The following PDE10A variants were observed in gnomAD, a reference collection of about 807,000 sequenced individuals.
The protein encoded by PDE10A is phosphodiesterase 10A.
PDE10A carries 39 observed loss-of-function variants against 97.7 expected under a neutral mutation model. That is an observed-to-expected ratio of 0.40 (90% CI 0.31 to 0.52). The LOEUF is 0.52. Among genes scored for constraint, PDE10A ranks in the 20% least tolerant of loss-of-function variants. The pLI is 0.56. For synonymous variants in PDE10A, 371 were observed against 376.8 expected, an observed-to-expected ratio of 0.98 and a Z score of 0.18; for missense variants, 731 against 1,047.8, an observed-to-expected ratio of 0.70 and a Z score of 4.17.
chr6:165,859,109 C>T (rs1283761958), intron 1 of PDE10A, among the ~76,000 whole-genome samples: 1 of 152,152 alleles, frequency 6.6e-6, no homozygotes, highest in African/African-American at 2.4e-5. Flanking sequence ...GATTTTCATT[C>T]ACTGATCAAA....
intron 13 of PDE10A, among the ~76,000 whole-genome samples, chr6:165,397,702 CAAAAAAAAAA>C (rs71026686): frequency 8.0e-4 from 71 of 88,392 alleles, no homozygotes; most frequent in South Asian, 1.9e-3. Context: ...AACTCCATCT[CAAAAAAAAAA>C]AAAAAAAAAA....
chr6:165,619,019 C>G (rs1043434854), intron 1 of PDE10A, among the ~76,000 whole-genome samples: 117 of 79,472 alleles, frequency 1.5e-3, no homozygotes, highest in South Asian at 3.4e-3. Flanking sequence ...CTAGTGTAGT[C>G]TAGCATAGTC....
chr6:165,920,998 G>A (rs752823392), intron 1 of PDE10A, among the ~76,000 whole-genome samples: 1 of 152,176 alleles, frequency 6.6e-6, no homozygotes, highest in Non-Finnish European at 1.5e-5. Flanking sequence ...TTTTGTCATG[G>A]CTCCAAAGGT....
chr6:165,398,257 G>C (rs1786336128), intron 13 of PDE10A, among the ~76,000 whole-genome samples: 1 of 152,058 alleles, frequency 6.6e-6, no homozygotes, highest in Admixed American at 6.6e-5. Flanking sequence ...CCAGCACTTT[G>C]GGAGGCAGAG....
chr6:165,635,288 T>C lies in PDE10A; in HGVS notation c.865+26659A>G, dbSNP rs1029881458. On this transcript the variant is annotated intron_variant, in intron 1 of 21. Transcript: ENST00000539869. Reference sequence around the variant, plus strand: ...GTACGTGCCTAACATAGAGATTGGATTGATAAAAGGCATCAGAAAAGGTTA... The same window carrying C: ...GTACGTGCCTAACATAGAGATTGGACTGATAAAAGGCATCAGAAAAGGTTA... Among the ~76,000 whole-genome samples, 5 of 152,240 alleles carry C rather than the reference T, an allele frequency of 3.3e-5. No homozygotes were observed. The South Asian group carries it at 8.3e-4, about 25-fold the overall frequency.
intron 1 of PDE10A, among the ~76,000 whole-genome samples, chr6:165,938,945 CTG>C (rs1401734826): frequency 6.6e-6 from 1 of 152,300 alleles, no homozygotes; most frequent in South Asian, 2.1e-4. Context: ...TATTGCAGCT[CTG>C]TTTATAGCAT....
intron 1 of PDE10A, among the ~76,000 whole-genome samples, chr6:165,608,083 TATATATATGTGC>T (rs1369437995): frequency 7.3e-6 from 1 of 136,548 alleles, no homozygotes; most frequent in East Asian, 1.9e-4. Flanking sequence ...TGTATATATG[TATATATATGTGC>T]ATATATATAC....
rs1314273837 is a variant in PDE10A at position 165,918,553 on chromosome 6, G to A, written c.-615+68976C>T. Among the ~76,000 whole-genome samples, 4 of 152,180 alleles carry A rather than the reference G, an allele frequency of 2.6e-5. No homozygotes were observed. The East Asian group carries it at 7.7e-4, about 29-fold the overall frequency. Reference sequence around the variant, plus strand: ...GATTTACAACTATTTTCACAGAATTGCTTGAATGACAAACTGATTTTTGTA... The same window carrying A: ...GATTTACAACTATTTTCACAGAATTACTTGAATGACAAACTGATTTTTGTA... On this transcript the variant is annotated intron_variant, in intron 1 of 19. Coordinates refer to the PDE10A transcript ENST00000366882.
At chr6:165,978,002 C>A (rs1192567349) in intron 1 of PDE10A, among the ~76,000 whole-genome samples, 1 of 152,208 alleles carries the variant, frequency 6.6e-6, no homozygotes, top group Admixed American at 6.5e-5. Context: ...TGTGCTTTTC[C>A]ATTCCTACAG....
chr6:165,514,985 T>C (rs562550586), intron 2 of PDE10A, among the ~76,000 whole-genome samples: 2 of 152,346 alleles, frequency 1.3e-5, no homozygotes, highest in South Asian at 2.1e-4. Context: ...GAAATCCTTT[T>C]ATCCAAACTA....
At chr6:165,765,277 A>C (rs941233066) in intron 1 of PDE10A, among the ~76,000 whole-genome samples, 2 of 152,244 alleles carry the variant, frequency 1.3e-5, no homozygotes, top group Admixed American at 6.5e-5. Context: ...GTCCCACGCC[A>C]TGCGCTCTCA....
intron 1 of PDE10A, among the ~76,000 whole-genome samples, chr6:165,593,027 T>C (rs918642896): frequency 5.9e-5 from 9 of 152,138 alleles, no homozygotes; most frequent in African/African-American, 1.9e-4. Flanking sequence ...CTGTTCACAA[T>C]AGCAAAGACT....
At chr6:165,946,498 TAAAA>T (rs57063900) in intron 1 of PDE10A, among the ~76,000 whole-genome samples, 55 of 128,500 alleles carry the variant, frequency 4.3e-4, no homozygotes, top group African/African-American at 5.5e-4. Flanking sequence ...TATCTCAAAA[TAAAA>T]AAAAAAAAAA....
intron 1 of PDE10A, among the ~76,000 whole-genome samples, chr6:165,955,438 G>T (rs1784106433): frequency 6.6e-6 from 1 of 152,122 alleles, no homozygotes; most frequent in Non-Finnish European, 1.5e-5. Flanking sequence ...TCCCTTATTT[G>T]CTCACACACC....
intron 1 of PDE10A, among the ~76,000 whole-genome samples, chr6:165,877,336 T>A (rs1294485122): frequency 6.6e-6 from 1 of 152,102 alleles, no homozygotes; most frequent in East Asian, 1.9e-4. Context: ...CACCTTCCTA[T>A]CTCCCCAAGA....
At chr6:165,727,455 T>C (rs1792328369) in intron 1 of PDE10A, among the ~76,000 whole-genome samples, 1 of 152,208 alleles carries the variant, frequency 6.6e-6, no homozygotes, top group East Asian at 1.9e-4. Flanking sequence ...CAAGGCTAGA[T>C]GCCTGTTCCT....
intron 1 of PDE10A, among the ~76,000 whole-genome samples, chr6:165,930,269 C>G (rs1783091629): frequency 6.6e-6 from 1 of 152,208 alleles, no homozygotes; most frequent in Non-Finnish European, 1.5e-5. Flanking sequence ...GGAAGAAGAG[C>G]ATTCATAGCC....
At chr6:165,964,083 C>T (rs945325725) in intron 1 of PDE10A, among the ~76,000 whole-genome samples, 6 of 152,206 alleles carry the variant, frequency 3.9e-5, no homozygotes, top group African/African-American at 1.4e-4. Flanking sequence ...TCATTATTTT[C>T]TCTCTTTTAT....
chr6:165,801,468 T>C (rs1162391604), intron 1 of PDE10A, among the ~76,000 whole-genome samples: 2 of 152,074 alleles, frequency 1.3e-5, no homozygotes, highest in Admixed American at 1.3e-4. Flanking sequence ...TCATTTGAAC[T>C]CAGGAGGCAG....
Sources: gnomAD v4.1 joint callset for allele counts (sites outside exome capture counted in the v4.1 genomes callset) on GRCh38, gnomAD v4.1.1 for gene constraint, MANE v1.5 for transcripts, NCBI Gene and HGNC (gene_info 2026-07-23, HGNC 2026-07-21) for gene names.